VPS13A: variants seen among roughly 807,000 people sequenced by gnomAD.
VPS13A encodes the protein intermembrane lipid transfer protein VPS13A.
A neutral mutation model predicts 390.9 loss-of-function variants in VPS13A; 264 were observed. The ratio of observed to expected loss-of-function variants is 0.68; its 90% CI spans 0.61 to 0.75. The LOEUF is 0.75. VPS13A is among the 30% of genes least tolerant of loss of function. The pLI, the probability that VPS13A is intolerant of heterozygous loss-of-function variation, is 0.00. For missense variants in VPS13A, 3,409 were observed against 3,733.9 expected, an observed-to-expected ratio of 0.91 and a Z score of 2.27; for synonymous variants, 1,231 against 1,227.1, an observed-to-expected ratio of 1.00 and a Z score of -0.07.
intron 23 of VPS13A, among the ~76,000 whole-genome samples, chr9:77,266,832 C>G (rs1826063355): frequency 6.6e-6 from 1 of 151,936 alleles, no homozygotes; most frequent in African/African-American, 2.4e-5. Context: ...GCACATAGTC[C>G]CATATTTCTT....
At chr9:77,299,758 G>C (rs1419174246) in intron 33 of VPS13A, among the ~76,000 whole-genome samples, 12 of 152,122 alleles carry the variant, frequency 7.9e-5, no homozygotes, top group Admixed American at 5.9e-4. Flanking sequence ...AAAAGAATGA[G>C]TTCATGTCCT....
Position 77,356,759 on chromosome 9 carries a change from G to A in VPS13A, c.7698G>A (p.Trp2566Ter). ...CAAAGCCCAAGAAGAAGGCAAGATGGAAGCCAATGAGTGTAAAGCACACTG... is the reference window on the plus strand; with the variant it reads ...CAAAGCCCAAGAAGAAGGCAAGATGAAAGCCAATGAGTGTAAAGCACACTG... The part of the protein sequence containing the change: ...WETKPKKKAR[W>*]KPMSVKHTEK... The change falls in exon 55 of 72, where the codon TGG (tryptophan) becomes TGA (stop). Residue 2566 changes from tryptophan (W) to a stop codon, truncating the protein, a stop_gained. Transcript: ENST00000360280. LOFTEE classifies it high-confidence loss of function. 6.2e-7 allele frequency: 1 copy of A among 1,613,712 alleles called. No individual in the cohort carries two copies. Among genetic ancestry groups the A allele is most frequent in the Non-Finnish European group, 8.5e-7 (1 of 1,179,812 alleles).
chr9:77,234,046 A>G (rs1587384299), intron 17 of VPS13A, among the ~76,000 whole-genome samples: 1 of 152,108 alleles, frequency 6.6e-6, no homozygotes, highest in African/African-American at 2.4e-5. Flanking sequence ...GGTGTGATTC[A>G]TATATTTTGA....
chr9:77,252,902 T>G (rs73466049), intron 22 of VPS13A, among the ~76,000 whole-genome samples: 1,948 of 152,298 alleles, frequency 0.013, 44 homozygotes, highest in African/African-American at 0.044. Flanking sequence ...CAATGAACAT[T>G]TGTGTTGTTA....
At position 77,302,892 on chromosome 9, in the gene VPS13A, A is replaced by G. The variant is rs765561871; in HGVS notation, c.3813-23A>G. On this transcript the variant is annotated intron_variant, in intron 33 of 71. Transcript: ENST00000360280. ...CCTGAATGTATATGAAACAATTTAA[A>G]AGAATGTTATCTCTACTTATAGATC... 3 of 1,606,372 alleles carry G rather than the reference A, an allele frequency of 1.9e-6. No homozygotes were observed. The South Asian group carries it at 3.3e-5, about 18-fold the overall frequency.
intron 34 of VPS13A, among the ~76,000 whole-genome samples, chr9:77,303,358 A>G (rs766876773): frequency 6.6e-6 from 1 of 152,158 alleles, no homozygotes; most frequent in South Asian, 2.1e-4. Flanking sequence ...AGTAGTAGTT[A>G]GATAGTAAAA....
At position 77,210,187 on chromosome 9, in the gene VPS13A, CTCTT is replaced by C. The variant is rs1564632667; in HGVS notation, c.496-425_496-422del. Among the ~76,000 whole-genome samples the C allele has an allele frequency of 1.6e-3, 206 of 128,912 alleles. 2 individuals are homozygous for C. Among genetic ancestry groups the C allele is most frequent in the African/African-American group, 5.7e-3 (192 of 33,492 alleles). The allele number at this position is 128,912 out of a possible 152,430, so 84.6% of individuals were successfully genotyped here. On this transcript the variant is annotated intron_variant, in intron 6 of 71. Transcript: ENST00000360280. ...TCTCTCTCTCTCTCTCTCTCTCTTT[CTCTT>C]TCTCTCTTTCTTTCTCTTCTCCTCT...
Position 77,416,275 on chromosome 9 carries a change from G to T in VPS13A, c.*269G>T. The T allele has an allele frequency of 2.7e-6, 1 of 365,990 alleles. No individual in the cohort carries two copies. The highest frequency in any genetic ancestry group is 5.1e-6 in the Non-Finnish European group (1 of 196,430). 22.7% of individuals were successfully genotyped at this position (365,990 alleles called of 1,614,324 possible). On this transcript the variant is annotated 3_prime_UTR_variant, in exon 72 of 72. Transcript: ENST00000360280. ...ATCTATTTATAATTCTAATTATTTT[G>T]TAAAAGAAGACAAAATTATGAATCT...
chr9:77,358,455 A>T lies in VPS13A; in HGVS notation c.8035+17A>T, dbSNP rs1831943223. On this transcript the variant is annotated intron_variant, in intron 57 of 71. Transcript: ENST00000360280. ...TGGATTCAGGTTTGTTTTTATTTTT[A>T]GATTTCCATAAAAGCAGTTGTATTA... 10 of 1,595,548 alleles carry T rather than the reference A, an allele frequency of 6.3e-6. No homozygotes were observed. The highest frequency in any genetic ancestry group is 8.6e-6 in the Non-Finnish European group (10 of 1,164,270).
intron 19 of VPS13A, among the ~76,000 whole-genome samples, chr9:77,244,064 C>G (rs975597627): frequency 6.6e-6 from 1 of 152,008 alleles, no homozygotes; most frequent in Non-Finnish European, 1.5e-5. Context: ...ATAGTGAGAC[C>G]TTGTCTCTAC....
At chr9:77,307,425 T>A (rs1465724213) in intron 34 of VPS13A, among the ~76,000 whole-genome samples, 1 of 152,186 alleles carries the variant, frequency 6.6e-6, no homozygotes, top group African/African-American at 2.4e-5. Flanking sequence ...CATGCCAGCC[T>A]GGGTGACAGA....
rs374223786 is a variant in VPS13A, at chr9:77,373,653, A to T, written c.9077+2504A>T. Among the ~76,000 whole-genome samples, 53 of 151,510 alleles carry T rather than the reference A, an allele frequency of 3.5e-4. No individual in the cohort carries two copies. The East Asian group carries it at 8.7e-3, about 25-fold the overall frequency. ...TGACAAATGGGATCTAATTAAACTA[A>T]AGAGCTTCTGCACAGCAAAAGAAAC... On this transcript the variant is annotated intron_variant, in intron 67 of 71. Coordinates refer to ENST00000360280, the MANE Select transcript of VPS13A (RefSeq NM_033305.3).
rs1260275676 is a variant in VPS13A at position 77,360,523 on chromosome 9, C to T, written c.8106-13C>T. 1.3e-6 allele frequency: 2 copies of T among 1,581,176 alleles called. No homozygotes were observed. Among genetic ancestry groups the T allele is most frequent in the African/African-American group, 2.7e-5 (2 of 74,200 alleles). On this transcript the variant is annotated splice_polypyrimidine_tract_variant and intron_variant, in intron 58 of 71. Coordinates refer to ENST00000360280, the MANE Select transcript of VPS13A (RefSeq NM_033305.3). ...GATGATTTTTAAAAAATGTTTTCTA[C>T]TTTGTAATACAGGTATTTCAAAGTA...
rs375698901 is a variant in VPS13A at position 77,380,614 on chromosome 9, T to C, written c.9078-1362T>C. Among the ~76,000 whole-genome samples, 14 of 152,328 alleles carry C rather than the reference T, an allele frequency of 9.2e-5. No homozygotes were observed. The East Asian group carries it at 2.3e-3, about 25-fold the overall frequency. The stretch of plus-strand genomic sequence containing the variant: ...CATGAGCCACCACACCCGGCCCTAT[T>C]CTGTTTTCAGTTGGAGAATTTATTC... On this transcript the variant is annotated intron_variant, in intron 67 of 71. Coordinates refer to ENST00000360280, the MANE Select transcript of VPS13A (RefSeq NM_033305.3).
intron 31 of VPS13A, among the ~76,000 whole-genome samples, chr9:77,291,110 G>A (rs915751536): frequency 6.6e-6 from 1 of 152,156 alleles, no homozygotes; most frequent in Non-Finnish European, 1.5e-5. Context: ...GGAGTTGAGT[G>A]GTGGGCGAGG....
chr9:77,342,706 A>G (rs1270143790), intron 50 of VPS13A, among the ~76,000 whole-genome samples: 3 of 152,214 alleles, frequency 2.0e-5, no homozygotes, highest in Non-Finnish European at 2.9e-5. Context: ...ATCTCATCAT[A>G]TATATGCAAA....
intron 1 of VPS13A, among the ~76,000 whole-genome samples, chr9:77,179,640 A>G (rs956060829): frequency 1.1e-4 from 16 of 148,206 alleles, no homozygotes; most frequent in African/African-American, 3.7e-4. Context: ...CATAATTGTT[A>G]TTTCTCTTGG....
Position 77,337,457 on chromosome 9 carries a change from G to A in VPS13A, c.6298G>A (p.Asp2100Asn). 6.2e-7 allele frequency: 1 copy of A among 1,613,508 alleles called. No homozygotes were observed. The highest frequency in any genetic ancestry group is 2.2e-5 in the East Asian group (1 of 44,762). ...ATCAGTGTATTCAGAAGATGGTTGG[G>A]ATTTACCATACATAATGCATTTGTG... is the stretch of plus-strand genomic sequence containing the variant. ...SLSVYSEDGW[D>N]LPYIMHLWPP... The change falls in exon 47 of 72, where the codon GAT becomes AAT. Residue 2100 changes from aspartate (D) to asparagine (N), a missense_variant. Physicochemically the swap from Asp to Asn is conservative, Grantham distance 23 (BLOSUM62 1). Around this residue, in one of 5 missense-constraint regions of VPS13A, gnomAD observed 2,717 missense variants for 2,917.4 expected, o/e 0.93. Transcript: ENST00000360280.
chr9:77,220,632 C>T (rs940928810), intron 12 of VPS13A, among the ~76,000 whole-genome samples: 30 of 151,934 alleles, frequency 2.0e-4, no homozygotes, highest in African/African-American at 6.8e-4. Flanking sequence ...TTACTATGGA[C>T]GGGTCAGTAT....
Sources: allele counts gnomAD v4.1 joint callset (sites outside exome capture counted in the v4.1 genomes callset), GRCh38; gene constraint gnomAD v4.1.1; regional missense constraint gnomAD v4.1.1; transcripts MANE v1.5; gene names NCBI Gene and HGNC (gene_info 2026-07-23, HGNC 2026-07-21).